KIF24: variants seen among roughly 807,000 people sequenced by gnomAD.
KIF24 encodes the protein kinesin-like protein KIF24.
In KIF24, 81 loss-of-function variants were observed where a neutral mutation model predicts 118.9. That is an observed-to-expected ratio of 0.68 (90% CI 0.57 to 0.82). KIF24 has a LOEUF of 0.82. KIF24 is among the 40% of genes least tolerant of loss of function. The pLI, the probability that KIF24 is intolerant of heterozygous loss-of-function variation, is 0.00. For missense variants in KIF24, 1,560 were observed against 1,661.6 expected (o/e 0.94, Z 1.06); for synonymous variants, 599 against 610.0 (o/e 0.98, Z 0.27).
intron 6 of KIF24, among the ~76,000 whole-genome samples, chr9:34,285,500 C>T (rs768874088): frequency 6.6e-6 from 1 of 151,476 alleles, no homozygotes; most frequent in Non-Finnish European, 1.5e-5. Context: ...TCTGGCAGGG[C>T]GTGGTGGCTC....
chr9:34,263,334 A>C (rs1211323823), intron 8 of KIF24, among the ~76,000 whole-genome samples, 162 bp from the exon 9 acceptor site: 2 of 152,182 alleles, frequency 1.3e-5, no homozygotes, highest in African/African-American at 4.8e-5. Context: ...CAACAAGAGA[A>C]ACCAAGCTAG....
chr9:34,332,041 A>T, upstream of KIF24, among the ~76,000 whole-genome samples: 1 of 152,174 alleles, frequency 6.6e-6, no homozygotes, highest in Non-Finnish European at 1.5e-5. Flanking sequence ...GTTGCAATAG[A>T]CTTGTAACTG....
At chr9:34,319,413 C>T (rs762129601) in intron 1 of KIF24, 16 of 951,506 alleles carry the variant, frequency 1.7e-5, no homozygotes, top group Middle Eastern at 4.1e-4. Context: ...AAACTTGTCA[C>T]GCATGCCACA....
intron 8 of KIF24, 130 bp downstream of exon 8, chr9:34,269,127 G>A: frequency 2.0e-6 from 1 of 505,688 alleles, no homozygotes; most frequent in Non-Finnish European, 3.5e-6. Flanking sequence ...CTCCAACCCT[G>A]GCATTCTATT....
chr9:34,262,644 CAAAAAAAAAAAAAAA>C (rs1172989308), intron 9 of KIF24, among the ~76,000 whole-genome samples: 3 of 19,606 alleles, frequency 1.5e-4, no homozygotes, highest in Non-Finnish European at 2.1e-4. Context: ...CTGTCTCTAC[CAAAAAAAAAAAAAAA>C]AAAAAAAAAA....
chr9:34,297,467 T>C (rs1213509372), intron 3 of KIF24, among the ~76,000 whole-genome samples: 1 of 152,142 alleles, frequency 6.6e-6, no homozygotes, highest in South Asian at 2.1e-4. Context: ...ATTTAGAATT[T>C]TGGAGGAATT....
intron 6 of KIF24, among the ~76,000 whole-genome samples, chr9:34,285,930 TAAA>T (rs11283995): frequency 2.5e-5 from 3 of 120,874 alleles, no homozygotes; most frequent in Non-Finnish European, 5.0e-5. Context: ...CCCTGTTGCT[TAAA>T]AAAAAAAAAA....
At chr9:34,304,261 G>T (rs967661109) in intron 3 of KIF24, among the ~76,000 whole-genome samples, 2 of 152,148 alleles carry the variant, frequency 1.3e-5, no homozygotes, top group African/African-American at 4.8e-5. Context: ...AAAAGAAAAA[G>T]AAGTCTTCCC....
At chr9:34,312,868 T>A (rs1338546342) in intron 1 of KIF24, among the ~76,000 whole-genome samples, 2 of 152,112 alleles carry the variant, frequency 1.3e-5, no homozygotes, top group Non-Finnish European at 2.9e-5. Flanking sequence ...CCGGCTAATT[T>A]TTGTATTTTT....
intron 1 of KIF24, chr9:34,319,716 C>A: frequency 1.5e-6 from 1 of 683,682 alleles, no homozygotes; most frequent in Non-Finnish European, 2.7e-6. Flanking sequence ...CACATGGGTG[C>A]TACTGGGATT....
At position 34,278,720 on chromosome 9, in the gene KIF24, C is replaced by T. The variant is rs180814843; in HGVS notation, c.1216-6790G>A. On this transcript the variant is annotated intron_variant, in intron 6 of 12. Coordinates refer to ENST00000402558, the MANE Select transcript of KIF24 (RefSeq NM_194313.4). ...CTCTCACTGCCTCCTCCTTCTCAAA[C>T]TCCTTCCCTAACTAAACTCTGTTGG... Among the ~76,000 whole-genome samples, 23 of 152,318 alleles carry T rather than the reference C, an allele frequency of 1.5e-4. No homozygotes were observed. In the East Asian group the frequency reaches 4.4e-3, roughly 29 times the overall value.
At chr9:34,271,957 T>G in intron 6 of KIF24, 27 bp from the exon 7 acceptor site, 1 of 1,563,110 alleles carries the variant, frequency 6.4e-7, no homozygotes, top group Non-Finnish European at 8.7e-7. Flanking sequence ...CAGGATGACT[T>G]CCCCAAGGAG....
At chr9:34,289,835 T>C (rs1836184754) in intron 5 of KIF24, among the ~76,000 whole-genome samples, 1 of 152,210 alleles carries the variant, frequency 6.6e-6, no homozygotes, top group African/African-American at 2.4e-5. Context: ...TTTTCCAGTA[T>C]AATAATAGGT....
At chr9:34,264,672 G>C (rs1391578379) in intron 8 of KIF24, among the ~76,000 whole-genome samples, 3 of 152,026 alleles carry the variant, frequency 2.0e-5, no homozygotes. Flanking sequence ...TCTCCACTGA[G>C]AACGAACAAG....
At chr9:34,319,122 C>A (rs772755027) in intron 1 of KIF24, 16 of 1,465,438 alleles carry the variant, frequency 1.1e-5, no homozygotes, top group Admixed American at 1.7e-5. Flanking sequence ...ATGCACCAGA[C>A]AGGCCTCTAC....
chr9:34,321,720 C>T (rs1236235212), intron 1 of KIF24, among the ~76,000 whole-genome samples: 2 of 151,214 alleles, frequency 1.3e-5, no homozygotes, highest in African/African-American at 4.9e-5. Flanking sequence ...AATCCTCCTG[C>T]TTCAGTCTCC....
At chr9:34,262,690 A>ATG (rs1563936720) in intron 9 of KIF24, among the ~76,000 whole-genome samples, 5 of 31,210 alleles carry the variant, frequency 1.6e-4, no homozygotes, top group African/African-American at 4.8e-4. Flanking sequence ...ATATATATAT[A>ATG]TATATATATA....
intron 9 of KIF24, among the ~76,000 whole-genome samples, chr9:34,260,922 A>G (rs1028617841): frequency 3.3e-5 from 5 of 152,180 alleles, no homozygotes; most frequent in African/African-American, 9.7e-5. Context: ...CAGTGAGCCA[A>G]GATCACACCA....
chr9:34,264,512 G>A (rs1386805497), intron 8 of KIF24, among the ~76,000 whole-genome samples: 1 of 151,896 alleles, frequency 6.6e-6, no homozygotes, highest in Non-Finnish European at 1.5e-5. Flanking sequence ...TGCCTCCAGA[G>A]TGTGCTATGG....
Sources: gnomAD v4.1 joint callset for allele counts (sites outside exome capture counted in the v4.1 genomes callset) on GRCh38, gnomAD v4.1.1 for gene constraint, MANE v1.5 for transcripts, NCBI Gene and HGNC (gene_info 2026-07-23, HGNC 2026-07-21) for gene names.